The following VWA5B1 variants were observed in gnomAD, a reference collection of about 807,000 sequenced individuals.
The protein encoded by VWA5B1 is von Willebrand factor A domain containing 5B1.
A neutral mutation model predicts 118.2 loss-of-function variants in VWA5B1; 115 were observed. That is an observed-to-expected ratio of 0.97 (90% CI 0.84 to 1.14). The LOEUF (loss-of-function observed/expected upper bound fraction) is 1.14. Among genes scored for constraint, VWA5B1 ranks in the 50% most tolerant of loss-of-function variants. The pLI, the probability that VWA5B1 is intolerant of heterozygous loss-of-function variation, is 0.00. For missense variants in VWA5B1, 1,596 were observed against 1,603.8 expected (o/e 1.00, Z 0.08); for synonymous variants, 682 against 658.4 (o/e 1.04, Z -0.55).
Position 20,348,253 on chromosome 1 carries a change from C to T in VWA5B1, c.2773C>T (p.Leu925=). ...CCTTGTCTTCCGCGAAGGAGCTGCC[C>T]TGCGTATGCTTGGCTCTCGGGCCCT... ...VVEYPNSGAA[L]RMLGSRALAQ... Residue 925 remains leucine (L), a synonymous_variant, in exon 18 of 22, where the codon CTG becomes TTG. Transcript: ENST00000289815. The T allele has an allele frequency of 6.4e-7, 1 of 1,551,668 alleles. No individual in the cohort carries two copies. Among genetic ancestry groups the T allele is most frequent in the South Asian group, 1.2e-5 (1 of 84,064 alleles).
At chr1:20,292,187 C>T (rs58378800) in intron 1 of VWA5B1, among the ~76,000 whole-genome samples, 5,384 of 151,372 alleles carry the variant, frequency 0.036, 141 homozygotes, top group African/African-American at 0.068. Flanking sequence ...CTCCTGTCCT[C>T]CCTTACCTCC....
rs545862452 is a variant in VWA5B1 at position 20,314,422 on chromosome 1, C to T, written c.393C>T (p.Asn131=). 1.8e-4 allele frequency: 282 copies of T among 1,551,950 alleles called. No individual in the cohort carries two copies. The highest frequency in any genetic ancestry group is 2.4e-4 in the Non-Finnish European group (278 of 1,147,042). ...EDLERILFVA[N]LGTIAPMENV... ...TGGAGCGGATCCTGTTCGTGGCCAACCTGGGGACCATTGCCCCCATGGAGA... is the reference window on the plus strand; with the variant it reads ...TGGAGCGGATCCTGTTCGTGGCCAATCTGGGGACCATTGCCCCCATGGAGA... Residue 131 remains asparagine (N), a synonymous_variant, in exon 4 of 22, where the codon AAC becomes AAT. Transcript: ENST00000289815.
At chr1:20,330,594 C>T (rs558078798) in intron 10 of VWA5B1, among the ~76,000 whole-genome samples, 9 of 152,340 alleles carry the variant, frequency 5.9e-5, no homozygotes, top group Middle Eastern at 3.4e-3. Flanking sequence ...CCTCTGCACA[C>T]GACTCACAAG....
intron 2 of VWA5B1, among the ~76,000 whole-genome samples, chr1:20,312,215 A>G (rs921998879): frequency 6.6e-6 from 1 of 152,236 alleles, no homozygotes; most frequent in Non-Finnish European, 1.5e-5. Flanking sequence ...CTGAGTCTGC[A>G]TTTTAACAAA....
chr1:20,319,501 C>T lies in VWA5B1; in HGVS notation c.961C>T (p.Arg321Trp), dbSNP rs145193241. 9.0e-6 allele frequency: 14 copies of T among 1,551,448 alleles called. No individual in the cohort carries two copies. The highest frequency in any genetic ancestry group is 1.2e-5 in the Non-Finnish European group (14 of 1,146,998). ...GATGAAGAAGAAGAGCAGAGCAGAG[C>T]GGAAGGTGAGGGCAACTGAGGTGGG... Reference protein sequence around the residue: ...KGMKKKSRAERKTEIIRKRLH... With the variant: ...KGMKKKSRAEWKTEIIRKRLH... The change falls in exon 7 of 22, where the codon CGG becomes TGG. Residue 321 changes from arginine (R) to tryptophan (W), a missense_variant. Coordinates refer to ENST00000289815, the MANE Select transcript of VWA5B1 (RefSeq NM_001039500.3).
At chr1:20,291,387 T>TCTCTCTC (rs57894456) in intron 1 of VWA5B1, among the ~76,000 whole-genome samples, 9,898 of 113,678 alleles carry the variant, frequency 0.087, 664 homozygotes, top group East Asian at 0.18. Flanking sequence ...CTCTCTCTCT[T>TCTCTCTC]TCTGTCTCCT....
intron 7 of VWA5B1, among the ~76,000 whole-genome samples, chr1:20,320,184 T>C (rs890964786): frequency 1.3e-5 from 2 of 152,158 alleles, no homozygotes; most frequent in Non-Finnish European, 2.9e-5. Context: ...GCCCCCTTTT[T>C]AGATGAGAAA....
rs750550216 is a variant in VWA5B1, at chr1:20,350,115, G to C, written c.2879-41G>C. 7.8e-6 allele frequency: 12 copies of C among 1,536,972 alleles called. No individual in the cohort carries two copies. The African/African-American group carries it at 1.5e-4, about 19-fold the overall frequency. On this transcript the variant is annotated intron_variant, in intron 18 of 21. Transcript: ENST00000289815. Reference sequence around the variant, plus strand: ...TCCTGAGGGGATGGGAGGCGAGGAAGGGAGGGGAGAGGTCCAGCCTCACTG... The same window carrying C: ...TCCTGAGGGGATGGGAGGCGAGGAACGGAGGGGAGAGGTCCAGCCTCACTG...
At chr1:20,332,296 T>A (rs1415063919) in intron 11 of VWA5B1, among the ~76,000 whole-genome samples, 1 of 151,818 alleles carries the variant, frequency 6.6e-6, no homozygotes, top group East Asian at 2.0e-4. Flanking sequence ...CCTGGCCAAT[T>A]TGGTGAAACC....
chr1:20,354,339 G>A lies in VWA5B1; in HGVS notation c.*76G>A, dbSNP rs550607308. 3.4e-5 allele frequency: 49 copies of A among 1,461,396 alleles called. No individual in the cohort carries two copies. Among genetic ancestry groups the A allele is most frequent in the African/African-American group, 5.6e-5 (4 of 70,808 alleles). The allele number at this position is 1,461,396 out of a possible 1,614,324, so 90.5% of individuals were successfully genotyped here. A position where few individuals can be genotyped will look rare whatever the true frequency, so the allele number is the denominator to read the frequency against. ...GGCAGGGCCATGTCGGCCTGGTTTC[G>A]GGGAGCTTTTGGAGCTGTAACTAAT... On this transcript the variant is annotated 3_prime_UTR_variant, in exon 22 of 22. Coordinates refer to ENST00000289815, the MANE Select transcript of VWA5B1 (RefSeq NM_001039500.3).
chr1:20,343,478 C>T, intron 16 of VWA5B1, 85 bp downstream of exon 16: 7 of 1,440,646 alleles, frequency 4.9e-6, no homozygotes, highest in Non-Finnish European at 6.4e-6. Flanking sequence ...TCCCCACCCG[C>T]CCCCGGTGAT....
chr1:20,343,055 G>T (rs1000692769), intron 15 of VWA5B1, 24 bp from the exon 16 acceptor site: 3 of 1,489,932 alleles, frequency 2.0e-6, no homozygotes, highest in African/African-American at 1.4e-5. Flanking sequence ...TCAGCGCTTG[G>T]CCCACTTGTC....
At chr1:20,309,308 C>A (rs1429121621) in intron 1 of VWA5B1, among the ~76,000 whole-genome samples, 1 of 152,194 alleles carries the variant, frequency 6.6e-6, no homozygotes, top group Non-Finnish European at 1.5e-5. Flanking sequence ...CGCAGCACAA[C>A]AAATGGATAG....
At chr1:20,301,033 A>G (rs1346643864) in intron 1 of VWA5B1, among the ~76,000 whole-genome samples, 1 of 152,196 alleles carries the variant, frequency 6.6e-6, no homozygotes, top group Non-Finnish European at 1.5e-5. Flanking sequence ...GAGGGGGCGC[A>G]TTGTGTACGG....
Position 20,310,739 on chromosome 1 carries a change from G to A in VWA5B1, c.138G>A (p.Gln46=), listed in dbSNP as rs987583053. The change falls in exon 2 of 22, where the codon CAG becomes CAA. Residue 46 remains glutamine (Q), a splice_region_variant and synonymous_variant. Transcript: ENST00000289815. ...TYGNLEAQPF[Q]GLFVYPLDEC... The stretch of plus-strand genomic sequence containing the variant: ...GCAACCTGGAAGCCCAGCCCTTCCA[G>A]GGTAAGGACACCTGCTGGGGCCTCC... 6.5e-6 allele frequency: 10 copies of A among 1,543,250 alleles called. No homozygotes were observed. Among genetic ancestry groups the A allele is most frequent in the Middle Eastern group, 3.4e-4 (2 of 5,940 alleles).
chr1:20,330,222 G>A lies in VWA5B1; in HGVS notation c.1297G>A (p.Ala433Thr). 1 of 1,551,732 alleles carries A rather than the reference G, an allele frequency of 6.4e-7. No individual in the cohort carries two copies. Among genetic ancestry groups the A allele is most frequent in the Non-Finnish European group, 8.7e-7 (1 of 1,147,006 alleles). ...MACDDIQRMK[A>T]DMGGTNILSP... Reference sequence around the variant, plus strand: ...TTGTGATGACATCCAGAGAATGAAGGCCGACATGGGTGGGACCAACATCCT... The same window carrying A: ...TTGTGATGACATCCAGAGAATGAAGACCGACATGGGTGGGACCAACATCCT... The change falls in exon 10 of 22, where the codon GCC becomes ACC. Residue 433 changes from alanine to threonine, a missense_variant. Ala to Thr is a moderately conservative substitution (Grantham distance 58). Transcript: ENST00000289815.
chr1:20,293,888 C>A (rs1006096401), intron 1 of VWA5B1, among the ~76,000 whole-genome samples: 2 of 152,148 alleles, frequency 1.3e-5, no homozygotes, highest in African/African-American at 2.4e-5. Context: ...GATGTGGCTA[C>A]GTGGGTGGAC....
chr1:20,343,126 T>C lies in VWA5B1; in HGVS notation c.2359T>C (p.Trp787Arg). 6.5e-7 allele frequency: 1 copy of C among 1,543,186 alleles called. No individual in the cohort carries two copies. The highest frequency in any genetic ancestry group is 8.8e-7 in the Non-Finnish European group (1 of 1,141,864). Residue 787 changes from tryptophan to arginine, a missense_variant, in exon 16 of 22, where the codon TGG becomes CGG. Coordinates refer to ENST00000289815, the MANE Select transcript of VWA5B1 (RefSeq NM_001039500.3). ...CTTCGAGACAGAGACGTCCTCGGAC[T>C]GGGACCCCCCAGCCGAGTCCCAGGA... ...SAFETETSSD[W>R]DPPAESQERA...
At chr1:20,350,747 A>C in intron 19 of VWA5B1, 110 bp from the exon 20 acceptor site, 8 of 982,130 alleles carry the variant, frequency 8.1e-6, no homozygotes, top group Non-Finnish European at 1.3e-5. Context: ...GTCCCTAGGA[A>C]CTTAGCTAAG....
Sources: allele counts gnomAD v4.1 joint callset (sites outside exome capture counted in the v4.1 genomes callset), GRCh38; gene constraint gnomAD v4.1.1; transcripts MANE v1.5; gene names NCBI Gene and HGNC (gene_info 2026-07-23, HGNC 2026-07-21).